Variants in NSF observed in about 807,000 individuals in gnomAD.
NSF encodes the protein N-ethylmaleimide sensitive factor, vesicle fusing ATPase.
Under a neutral mutation model 50.3 loss-of-function variants are expected in NSF, and 14 were observed. That is an observed-to-expected ratio of 0.28 (90% CI 0.18 to 0.44). The LOEUF is 0.44. Among genes scored for constraint, NSF ranks in the 20% least tolerant of loss-of-function variants. The probability of loss-of-function intolerance (pLI) is 1.00; values close to 1 mark genes in which losing one functional copy is unlikely to be tolerated. For synonymous variants in NSF, 109 were observed against 175.7 expected, an observed-to-expected ratio of 0.62 and a Z score of 3.00; for missense variants, 218 against 504.3, an observed-to-expected ratio of 0.43 and a Z score of 5.44.
At chr17:46,752,825 G>A (rs1172123212) in intron 19 of NSF, among the ~76,000 whole-genome samples, 1 of 151,950 alleles carries the variant, frequency 6.6e-6, no homozygotes, top group African/African-American at 2.4e-5. Context: ...CTTGAGTAGT[G>A]GCATGATCTC....
At chr17:46,687,768 A>T (rs2058507311) in intron 9 of NSF, among the ~76,000 whole-genome samples, 1 of 112,356 alleles carries the variant, frequency 8.9e-6, no homozygotes. Context: ...ATAGTACTAT[A>T]ACTTCTGCTT....
At chr17:46,714,054 G>C (rs938579243) in intron 15 of NSF, 68 bp downstream of exon 15, 4 of 1,480,422 alleles carry the variant, frequency 2.7e-6, no homozygotes, top group Non-Finnish European at 9.0e-7. Context: ...ACATATATAT[G>C]CCTTTGTACA....
rs190502105 is a variant in NSF at position 46,720,200 on chromosome 17, T to A, written c.1761+6214T>A. 1.5e-4 allele frequency among the ~76,000 whole-genome samples: 23 copies of A among 152,310 alleles called. 1 individual carries two copies. Among genetic ancestry groups the A allele is most frequent in the Admixed American group, 1.4e-3 (22 of 15,306 alleles). On this transcript the variant is annotated intron_variant, in intron 15 of 20. Transcript: ENST00000398238. The stretch of plus-strand genomic sequence containing the variant: ...TATAATGTAGCTGATTTGTTGAAGT[T>A]TTTGCATATATTAGCTGAGAGAAGT...
At position 46,749,874 on chromosome 17, in the gene NSF, T is replaced by C; in HGVS notation, c.2010T>C (p.Ile670=). The change falls in exon 18 of 21, where the codon ATT becomes ATC. Residue 670 remains isoleucine (I), a synonymous_variant. Transcript: ENST00000398238. ...GCACCACCATCCACGTGCCCAACAT[T>C]GCCACAGGAGAGCAGCTGTTGGAAG... ...AFSTTIHVPN[I]ATGEQLLEAL... The C allele has an allele frequency of 6.2e-7, 1 of 1,614,140 alleles. No homozygotes were observed. The highest frequency in any genetic ancestry group is 2.2e-5 in the East Asian group (1 of 44,880).
At chr17:46,748,666 G>C (rs184091684) in intron 17 of NSF, among the ~76,000 whole-genome samples, 3 of 152,180 alleles carry the variant, frequency 2.0e-5, no homozygotes, top group African/African-American at 7.2e-5. Flanking sequence ...GAGAGTCACC[G>C]CTTCAGATTG....
chr17:46,633,788 T>C (rs2058156383), intron 4 of NSF, among the ~76,000 whole-genome samples: 1 of 116,154 alleles, frequency 8.6e-6, no homozygotes, highest in African/African-American at 4.1e-5. Context: ...CCTATAAATG[T>C]TTTCAAACTA....
At chr17:46,708,803 T>TA in intron 13 of NSF, among the ~76,000 whole-genome samples, 2 of 70,198 alleles carry the variant, frequency 2.8e-5, no homozygotes, top group East Asian at 1.4e-3. Context: ...CACCATTTAT[T>TA]TTATATATAT....
At chr17:46,743,618 G>A (rs1295358910) in intron 17 of NSF, among the ~76,000 whole-genome samples, 1 of 152,120 alleles carries the variant, frequency 6.6e-6, no homozygotes, top group Non-Finnish European at 1.5e-5. Context: ...TGCCAGCCCT[G>A]GGCTTGCCTT....
chr17:46,744,106 G>T (rs567945957), intron 17 of NSF, among the ~76,000 whole-genome samples: 1 of 152,014 alleles, frequency 6.6e-6, no homozygotes, highest in African/African-American at 2.4e-5. Flanking sequence ...GGTGCCCTCC[G>T]CCATGATTAG....
At chr17:46,730,120 T>C (rs2058934523) in intron 17 of NSF, among the ~76,000 whole-genome samples, 1 of 152,086 alleles carries the variant, frequency 6.6e-6, no homozygotes, top group Non-Finnish European at 1.5e-5. Context: ...TCTACATATA[T>C]CATGATTCCT....
intron 5 of NSF, among the ~76,000 whole-genome samples, chr17:46,638,384 C>A (rs1255671441): frequency 3.2e-5 from 1 of 31,522 alleles, no homozygotes; most frequent in African/African-American, 1.8e-4. Flanking sequence ...TTTATTTATT[C>A]ATTTATTTTT....
rs114969975 is a variant in NSF, at chr17:46,756,519, G to A, written c.*696G>A. 6.6e-6 allele frequency: 1 copy of A among 152,346 alleles called. No homozygotes were observed. Among genetic ancestry groups the A allele is most frequent in the African/African-American group, 2.4e-5 (1 of 41,546 alleles). 9.4% of individuals were successfully genotyped at this position (152,346 alleles called of 1,614,324 possible). A position where few individuals can be genotyped will look rare whatever the true frequency, so the allele number is the denominator to read the frequency against. On this transcript the variant is annotated 3_prime_UTR_variant, in exon 21 of 21. Transcript: ENST00000398238. ...TAATTTGCTCTGTGGTAAGAGATAT[G>A]CTCATTATTACCACTTAGAAGATGT...
chr17:46,727,883 C>T (rs2058907297), intron 16 of NSF, among the ~76,000 whole-genome samples: 1 of 152,220 alleles, frequency 6.6e-6, no homozygotes, highest in African/African-American at 2.4e-5. Flanking sequence ...TGAGCCCTTC[C>T]TCCTCTGGTA....
chr17:46,734,795 G>A (rs2058984189), intron 17 of NSF, among the ~76,000 whole-genome samples: 2 of 152,134 alleles, frequency 1.3e-5, no homozygotes, highest in South Asian at 2.1e-4. Context: ...TGTGGCTCAC[G>A]CCTGTAATCC....
chr17:46,751,194 C>T (rs1490654441), intron 18 of NSF, among the ~76,000 whole-genome samples: 1 of 152,076 alleles, frequency 6.6e-6, no homozygotes, highest in Non-Finnish European at 1.5e-5. Flanking sequence ...CAGATTGTTC[C>T]TAGAAAAGAA....
chr17:46,598,760 C>T (rs1049487643), intron 1 of NSF, among the ~76,000 whole-genome samples: 73 of 152,018 alleles, frequency 4.8e-4, no homozygotes, highest in African/African-American at 1.6e-3. Flanking sequence ...GACATCATTA[C>T]CAAACAAACT....
chr17:46,598,489 A>T (rs1376993739), intron 1 of NSF, among the ~76,000 whole-genome samples: 1 of 152,218 alleles, frequency 6.6e-6, no homozygotes, highest in African/African-American at 2.4e-5. Context: ...AAGCCAGTGG[A>T]TCTCTTTCTT....
intron 7 of NSF, among the ~76,000 whole-genome samples, chr17:46,642,747 GC>G (rs1227582427): frequency 1.4e-3 from 66 of 45,702 alleles, no homozygotes; most frequent in Non-Finnish European, 2.0e-3. Context: ...TTGCATTTCT[GC>G]CAGCTAGTGT....
intron 17 of NSF, among the ~76,000 whole-genome samples, chr17:46,743,550 C>G (rs2059098640): frequency 6.6e-6 from 1 of 152,206 alleles, no homozygotes; most frequent in Non-Finnish European, 1.5e-5. Flanking sequence ...GATGGGGCCT[C>G]TACTTCTGTT....
Sources: allele counts gnomAD v4.1 joint callset (sites outside exome capture counted in the v4.1 genomes callset), GRCh38; gene constraint gnomAD v4.1.1; transcripts MANE v1.5; gene names NCBI Gene and HGNC (gene_info 2026-07-23, HGNC 2026-07-21).